SLCO1B3: variants seen among roughly 807,000 people sequenced by gnomAD.
SLCO1B3 encodes the protein liver-specific organic anion transporter 2.
SLCO1B3 carries 72 observed loss-of-function variants against 71.8 expected under a neutral mutation model. That is an observed-to-expected ratio of 1.00 (90% confidence interval 0.83 to 1.22). SLCO1B3 has a LOEUF of 1.22. Among genes scored for constraint, SLCO1B3 ranks in the 50% most tolerant of loss-of-function variants. The pLI is 0.00. For synonymous variants in SLCO1B3, 298 were observed against 278.4 expected, an observed-to-expected ratio of 1.07 and a Z score of -0.70; for missense variants, 911 against 819.7, an observed-to-expected ratio of 1.11 and a Z score of -1.36.
chr12:20,872,788 G>C (rs1054571467), intron 8 of SLCO1B3, among the ~76,000 whole-genome samples: 1 of 152,044 alleles, frequency 6.6e-6, no homozygotes, highest in Non-Finnish European at 1.5e-5. Flanking sequence ...GGCTGAGCTG[G>C]TATTAGAAAA....
At chr12:20,883,664 C>G in intron 13 of SLCO1B3, 62 bp downstream of exon 13, 1 of 1,059,348 alleles carries the variant, frequency 9.4e-7, no homozygotes. Context: ...TAATGATAGG[C>G]ATATTTTTCT....
chr12:20,891,922 TA>T (rs1267259680), intron 13 of SLCO1B3, among the ~76,000 whole-genome samples: 5 of 152,080 alleles, frequency 3.3e-5, no homozygotes, highest in Non-Finnish European at 5.9e-5. Context: ...TACCCTATGT[TA>T]TTTTTTTTCA....
intron 3 of SLCO1B3, among the ~76,000 whole-genome samples, chr12:20,838,594 G>T (rs1864733450): frequency 6.6e-6 from 1 of 151,930 alleles, no homozygotes; most frequent in South Asian, 2.1e-4. Context: ...AGACACCTAG[G>T]CTATATGTTA....
At chr12:20,883,656 A>G in intron 13 of SLCO1B3, 54 bp downstream of exon 13, 1 of 1,103,482 alleles carries the variant, frequency 9.1e-7, no homozygotes, top group Non-Finnish European at 1.3e-6. Context: ...AACACACCTA[A>G]TGATAGGCAT....
intron 3 of SLCO1B3, among the ~76,000 whole-genome samples, chr12:20,835,651 A>G (rs1864663637): frequency 6.6e-6 from 1 of 152,196 alleles, no homozygotes; most frequent in Admixed American, 6.5e-5. Context: ...TATTGTCCAT[A>G]TCAGTATCAG....
At position 20,877,886 on chromosome 12, in the gene SLCO1B3, A is replaced by G; in HGVS notation, c.1085A>G (p.Tyr362Cys). The G allele has an allele frequency of 6.3e-7, 1 of 1,590,962 alleles. No individual in the cohort carries two copies. The highest frequency in any genetic ancestry group is 1.4e-5 in the African/African-American group (1 of 73,402). Residue 362 changes from tyrosine (Y) to cysteine (C), a missense_variant, in exon 10 of 16, where the codon TAT (tyrosine) becomes TGT (cysteine). Coordinates refer to ENST00000381545, the MANE Select transcript of SLCO1B3 (RefSeq NM_019844.4). Reference sequence around the variant, plus strand: ...GGTTCTTTTACTTACGTCTTTAAATATATGGAGCAACAGTACGGTCAGTCT... The same window carrying G: ...GGTTCTTTTACTTACGTCTTTAAATGTATGGAGCAACAGTACGGTCAGTCT... Reference protein sequence around the residue: ...FIGSFTYVFKYMEQQYGQSAS... With the variant: ...FIGSFTYVFKCMEQQYGQSAS...
intron 15 of SLCO1B3, chr12:20,902,056 C>G (rs896862394): frequency 1.8e-5 from 5 of 282,970 alleles, no homozygotes; most frequent in Non-Finnish European, 3.4e-5. Flanking sequence ...AGTATTAGAA[C>G]TACTCATAGT....
intron 3 of SLCO1B3, among the ~76,000 whole-genome samples, chr12:20,835,776 G>T (rs1864665907): frequency 6.6e-6 from 1 of 152,048 alleles, no homozygotes; most frequent in East Asian, 1.9e-4. Flanking sequence ...ACATTTTCTT[G>T]TCTTCTTCTG....
chr12:20,868,594 C>A (rs1206093314), intron 8 of SLCO1B3, among the ~76,000 whole-genome samples: 4 of 152,098 alleles, frequency 2.6e-5, no homozygotes, highest in Non-Finnish European at 4.4e-5. Context: ...AGGGACCAGC[C>A]CCACAGATTT....
chr12:20,842,174 A>G (rs1028539093), intron 3 of SLCO1B3, among the ~76,000 whole-genome samples: 1 of 152,136 alleles, frequency 6.6e-6, no homozygotes, highest in African/African-American at 2.4e-5. Flanking sequence ...GATTACAGGC[A>G]TGAGCCACCA....
intron 8 of SLCO1B3, among the ~76,000 whole-genome samples, chr12:20,869,248 T>C (rs2121275072): frequency 6.6e-6 from 1 of 152,308 alleles, no homozygotes; most frequent in Non-Finnish European, 1.5e-5. Context: ...TCCCAGACAC[T>C]GGCGTCACTG....
intron 3 of SLCO1B3, among the ~76,000 whole-genome samples, chr12:20,828,283 G>A (rs947301207): frequency 9.5e-5 from 13 of 136,144 alleles, no homozygotes; most frequent in African/African-American, 3.6e-4. Flanking sequence ...AATAGCACCT[G>A]TTGTAAGAAC....
At chr12:20,894,148 C>T (rs1865955716) in intron 13 of SLCO1B3, among the ~76,000 whole-genome samples, 1 of 152,116 alleles carries the variant, frequency 6.6e-6, no homozygotes, top group African/African-American at 2.4e-5. Flanking sequence ...AATGAAATCT[C>T]TTAAATTAAA....
chr12:20,848,660 G>C (rs1192539494), intron 3 of SLCO1B3, among the ~76,000 whole-genome samples: 1 of 151,970 alleles, frequency 6.6e-6, no homozygotes, highest in Non-Finnish European at 1.5e-5. Flanking sequence ...TGATTAAAAA[G>C]AAATGGAACA....
At chr12:20,834,033 G>A (rs1565582316) in intron 3 of SLCO1B3, among the ~76,000 whole-genome samples, 1 of 142,986 alleles carries the variant, frequency 7.0e-6, no homozygotes, top group Admixed American at 7.4e-5. Context: ...ATTTATATAT[G>A]TATTTATATA....
At chr12:20,866,656 G>A (rs1250801740) in intron 8 of SLCO1B3, among the ~76,000 whole-genome samples, 1 of 152,048 alleles carries the variant, frequency 6.6e-6, no homozygotes, top group Non-Finnish European at 1.5e-5. Context: ...GTTCTAAATG[G>A]CATAAAGAAA....
rs1306128420 is a variant in SLCO1B3, at chr12:20,815,714, T to A, written c.-25T>A. ...CAAGCATCAGCAACAATTAAAAATA[T>A]TCACTTGGTATCTGTAGTTTAATAA... is the stretch of plus-strand genomic sequence containing the variant. On this transcript the variant is annotated 5_prime_UTR_variant, in exon 3 of 16. Transcript: ENST00000381545. 7 of 795,806 alleles carry A rather than the reference T, an allele frequency of 8.8e-6. No homozygotes were observed. The highest frequency in any genetic ancestry group is 1.3e-5 in the Non-Finnish European group (7 of 526,184). The allele number at this position is 795,806 out of a possible 1,614,324, so 49.3% of individuals were successfully genotyped here.
chr12:20,823,836 G>A lies in SLCO1B3; in HGVS notation c.84+8014G>A, dbSNP rs142777300. Among the ~76,000 whole-genome samples, 6 of 152,250 alleles carry A rather than the reference G, an allele frequency of 3.9e-5. No individual in the cohort carries two copies. The South Asian group carries it at 6.2e-4, about 16-fold the overall frequency. On this transcript the variant is annotated intron_variant, in intron 3 of 15. Coordinates refer to ENST00000381545, the MANE Select transcript of SLCO1B3 (RefSeq NM_019844.4). ...AAAGTGACATTCTTTACTTACCACA[G>A]GTCATGACCCTGTAAAGGATAAGAT... is the stretch of plus-strand genomic sequence containing the variant.
intron 4 of SLCO1B3, among the ~76,000 whole-genome samples, chr12:20,856,319 T>G (rs10841674): frequency 0.72 from 110,076 of 151,968 alleles, 42,463 homozygotes; most frequent in South Asian, 0.9. Flanking sequence ...GGAGTATACC[T>G]TCATGTATAG....
Sources: gnomAD v4.1 joint callset for allele counts (sites outside exome capture counted in the v4.1 genomes callset) on GRCh38, gnomAD v4.1.1 for gene constraint, MANE v1.5 for transcripts, NCBI Gene and HGNC (gene_info 2026-07-23, HGNC 2026-07-21) for gene names.